Variants in PLEKHA8 observed in about 807,000 individuals in gnomAD.
PLEKHA8 encodes the protein pleckstrin homology domain containing A8, also known as pleckstrin homology domain-containing family A member 8.
A neutral mutation model predicts 68.2 loss-of-function variants in PLEKHA8; 36 were observed. The ratio of observed to expected loss-of-function variants is 0.53; its 90% confidence interval spans 0.40 to 0.70. The LOEUF is 0.70. Ranked by LOEUF, PLEKHA8 falls within the 30% of genes least tolerant of loss-of-function variation. The pLI, the probability that PLEKHA8 is intolerant of heterozygous loss-of-function variation, is 0.00. For missense variants in PLEKHA8, 505 were observed against 615.4 expected (o/e 0.82, Z 1.90); for synonymous variants, 211 against 216.1 (o/e 0.98, Z 0.20).
rs150699897 is a variant in PLEKHA8 at position 30,083,525 on chromosome 7, C to CT, written c.*4739dup. 1,110 of 985,376 alleles carry CT rather than the reference C, an allele frequency of 1.1e-3. 13 individuals are homozygous for CT. In the African/African-American group the frequency reaches 0.016, roughly 15 times the overall value. The allele number at this position is 985,376 out of a possible 1,614,324, so 61.0% of individuals were successfully genotyped here. On this transcript the variant is annotated 3_prime_UTR_variant, in exon 14 of 14. Coordinates refer to ENST00000449726, the MANE Select transcript of PLEKHA8 (RefSeq NM_001197026.2). The stretch of plus-strand genomic sequence containing the variant: ...ATTTGCATGATTTCTCATTGCACTG[C>CT]TGCATTCAGGCACTCCAGGGCATGA...
chr7:30,048,602 A>G lies in PLEKHA8; in HGVS notation c.439-622A>G, dbSNP rs149122867. On this transcript the variant is annotated intron_variant, in intron 4 of 13. Transcript: ENST00000449726. ...TCTCTGGTGTTAAGCTATGTATAGA[A>G]TGGCTCACATTAACCAGAGTCTCTG... is the stretch of plus-strand genomic sequence containing the variant. Among the ~76,000 whole-genome samples the G allele has an allele frequency of 4.6e-4, 70 of 152,370 alleles. 1 individual carries two copies. Among genetic ancestry groups the G allele is most frequent in the African/African-American group, 1.5e-3 (64 of 41,592 alleles).
chr7:30,061,027 A>G (rs1329625614), intron 10 of PLEKHA8, 85 bp downstream of exon 10: 1 of 1,290,962 alleles, frequency 7.7e-7, no homozygotes, highest in Non-Finnish European at 1.1e-6. Context: ...GAATAAATCA[A>G]AAAGTGAAAA....
rs999952644 is a variant in PLEKHA8, at chr7:30,090,384, C to T, written c.*209C>T. On this transcript the variant is annotated 3_prime_UTR_variant, in exon 13 of 13. Coordinates refer to the PLEKHA8 transcript ENST00000258679. ...ATTATTGCCAACCAAGTCGTCAAATCTAATGTCAAGTTCTCTTAAGCAGGT... is the reference window on the plus strand; with the variant it reads ...ATTATTGCCAACCAAGTCGTCAAATTTAATGTCAAGTTCTCTTAAGCAGGT... 3 of 563,926 alleles carry T rather than the reference C, an allele frequency of 5.3e-6. No individual in the cohort carries two copies. In the African/African-American group the frequency reaches 5.6e-5, roughly 11 times the overall value. 34.9% of individuals were successfully genotyped at this position (563,926 alleles called of 1,614,324 possible).
chr7:30,056,777 GTGTGTGTGTATATATATATGTTA>G (rs1793007750), intron 9 of PLEKHA8, among the ~76,000 whole-genome samples: 1 of 108,756 alleles, frequency 9.2e-6, no homozygotes, highest in Non-Finnish European at 1.9e-5. Flanking sequence ...GTGTGTGTGT[GTGTGTGTGTATATATATATGTTA>G]TGTGTATATA....
intron 12 of PLEKHA8, among the ~76,000 whole-genome samples, chr7:30,067,059 T>C (rs1793897105): frequency 6.6e-6 from 1 of 152,248 alleles, no homozygotes; most frequent in African/African-American, 2.4e-5. Context: ...CAAGCGTTAG[T>C]CTTAACAGTG....
intron 13 of PLEKHA8, among the ~76,000 whole-genome samples, chr7:30,100,854 A>G (rs1425142142): frequency 1.3e-5 from 2 of 152,232 alleles, no homozygotes; most frequent in Admixed American, 6.5e-5. Context: ...TATTTAAGCT[A>G]ATAGCTAAAT....
chr7:30,032,688 A>G (rs1257568410), intron 1 of PLEKHA8, among the ~76,000 whole-genome samples: 1 of 152,168 alleles, frequency 6.6e-6, no homozygotes, highest in African/African-American at 2.4e-5. Flanking sequence ...ATAGCAGACT[A>G]TTTCGGGGGT....
intron 9 of PLEKHA8, among the ~76,000 whole-genome samples, chr7:30,056,648 G>C (rs1294746259): frequency 7.1e-6 from 1 of 141,712 alleles, no homozygotes; most frequent in Non-Finnish European, 1.5e-5. Flanking sequence ...AGAATTGCTT[G>C]AACCTGGGAG....
intron 13 of PLEKHA8, chr7:30,115,721 CATGCATACACGTATACATGT>C (rs1562557676): frequency 4.1e-4 from 47 of 113,628 alleles, no homozygotes; most frequent in Non-Finnish European, 8.3e-4. Context: ...TACGCGCATG[CATGCATACACGTATACATGT>C]ATACATACGT....
chr7:30,067,810 A>C (rs56152180), intron 12 of PLEKHA8, among the ~76,000 whole-genome samples: 25,986 of 152,154 alleles, frequency 0.17, 2,280 homozygotes, highest in Middle Eastern at 0.22. Flanking sequence ...CTGGCTCATT[A>C]ATTTTCCTTG....
intron 13 of PLEKHA8, chr7:30,129,248 T>G: frequency 6.2e-7 from 1 of 1,612,848 alleles, no homozygotes; most frequent in Non-Finnish European, 8.5e-7. Flanking sequence ...TGTCCTTCCC[T>G]CTTTTATCCT....
intron 13 of PLEKHA8, among the ~76,000 whole-genome samples, chr7:30,109,696 G>A (rs1355513462): frequency 1.4e-5 from 2 of 140,774 alleles, no homozygotes; most frequent in African/African-American, 2.6e-5. Flanking sequence ...TTTAAAGACA[G>A]AGTCTCACTT....
rs904456870 is a variant in PLEKHA8 at position 30,080,994 on chromosome 7, TG to T, written c.*2209del. 2.0e-6 allele frequency: 2 copies of T among 985,260 alleles called. No homozygotes were observed. The highest frequency in any genetic ancestry group is 1.7e-5 in the African/African-American group (1 of 57,234). 61.0% of individuals were successfully genotyped at this position (985,260 alleles called of 1,614,324 possible). ...TCCCTGTCACCTCAGGTGAACTCTG[TG>T]GTCTCTTGGAGAGGTAGCACTCTGA... is the stretch of plus-strand genomic sequence containing the variant. On this transcript the variant is annotated 3_prime_UTR_variant, in exon 14 of 14. Coordinates refer to ENST00000449726, the MANE Select transcript of PLEKHA8 (RefSeq NM_001197026.2).
chr7:30,075,428 A>G (rs1794549770), intron 13 of PLEKHA8, among the ~76,000 whole-genome samples: 1 of 152,152 alleles, frequency 6.6e-6, no homozygotes, highest in East Asian at 1.9e-4. Context: ...TCTTTATCTT[A>G]ATTCTCAGGA....
Position 30,052,706 on chromosome 7 carries a change from C to T in PLEKHA8, c.639-3C>T. The T allele has an allele frequency of 2.7e-6, 4 of 1,492,220 alleles. No homozygotes were observed. The highest frequency in any genetic ancestry group is 2.6e-5 in the East Asian group (1 of 39,128). The allele number at this position is 1,492,220 out of a possible 1,614,324, so 92.4% of individuals were successfully genotyped here. ...GCTTTTTTTCCTTTTAAAAAATTTGCAGGCAAATGGAGTTGAGCACTTGTG... is the reference window on the plus strand; with the variant it reads ...GCTTTTTTTCCTTTTAAAAAATTTGTAGGCAAATGGAGTTGAGCACTTGTG... On this transcript the variant is annotated splice_polypyrimidine_tract_variant and splice_region_variant and intron_variant, in intron 6 of 13. Coordinates refer to ENST00000449726, the MANE Select transcript of PLEKHA8 (RefSeq NM_001197026.2).
intron 12 of PLEKHA8, among the ~76,000 whole-genome samples, chr7:30,072,335 A>G (rs1159207389): frequency 6.6e-6 from 1 of 152,234 alleles, no homozygotes; most frequent in Non-Finnish European, 1.5e-5. Context: ...TGCAATATGT[A>G]TTGAGTATGT....
In PLEKHA8 at chr7:30,078,632, G is replaced by A. The variant is rs755362074; in HGVS notation, c.1405G>A (p.Ala469Thr). 1.2e-5 allele frequency: 19 copies of A among 1,613,700 alleles called. No homozygotes were observed. The highest frequency in any genetic ancestry group is 8.0e-5 in the African/African-American group (6 of 74,888). The change falls in exon 14 of 14, where the codon GCG becomes ACG. Residue 469 changes from alanine (A) to threonine (T), a missense_variant. By Grantham distance (58) the Ala-to-Thr change is moderately conservative. Coordinates refer to ENST00000449726, the MANE Select transcript of PLEKHA8 (RefSeq NM_001197026.2). ...TCCATCCTATGAAGATTTTGTGGCC[G>A]CGTTAACCGTAAAGGAAGGTGACCA... Reference protein sequence around the residue: ...AAPSYEDFVAALTVKEGDHQK... With the variant: ...AAPSYEDFVATLTVKEGDHQK...
At chr7:30,090,451 C>A in exon 13 of PLEKHA8, 1 of 324,708 alleles carries the variant, frequency 3.1e-6, no homozygotes, top group South Asian at 7.9e-5. Context: ...CTTAAGGAAA[C>A]CATTTGATAG....
chr7:30,128,348 C>A (rs1796817376), intron 13 of PLEKHA8, among the ~76,000 whole-genome samples: 1 of 152,164 alleles, frequency 6.6e-6, no homozygotes, highest in Admixed American at 6.5e-5. Flanking sequence ...CTCAAGCAAT[C>A]CTCCTGCTTT....
Sources: gnomAD v4.1 joint callset for allele counts (sites outside exome capture counted in the v4.1 genomes callset) on GRCh38, gnomAD v4.1.1 for gene constraint, MANE v1.5 for transcripts, NCBI Gene and HGNC (gene_info 2026-07-23, HGNC 2026-07-21) for gene names.